Variants in KIF5C observed in about 807,000 individuals in gnomAD.
KIF5C encodes kinesin family member 5C.
A neutral mutation model predicts 125.2 loss-of-function variants in KIF5C; 18 were observed. The observed-to-expected ratio is 0.14, with a 90% CI of 0.10 to 0.21. KIF5C has a LOEUF of 0.21. Ranked by LOEUF, KIF5C falls within the 10% of genes least tolerant of loss-of-function variation. KIF5C has a pLI of 1.00. For missense variants in KIF5C, 780 were observed against 1,183.8 expected, an observed-to-expected ratio of 0.66 and a Z score of 5.01; for synonymous variants, 405 against 434.0, an observed-to-expected ratio of 0.93 and a Z score of 0.83.
intron 10 of KIF5C, among the ~76,000 whole-genome samples, chr2:148,954,557 A>G (rs540419158): frequency 6.6e-6 from 1 of 152,214 alleles, no homozygotes; most frequent in African/African-American, 2.4e-5. Context: ...GGGCAGACCA[A>G]TGTGGTTAGG....
intron 10 of KIF5C, among the ~76,000 whole-genome samples, chr2:148,958,907 C>G (rs1482342027): frequency 2.1e-5 from 3 of 145,244 alleles, no homozygotes; most frequent in Non-Finnish European, 4.6e-5. Flanking sequence ...TCACTTGAAC[C>G]CGGGAGGCAG....
chr2:148,927,651 G>A (rs1361521245), intron 2 of KIF5C, among the ~76,000 whole-genome samples: 1 of 152,090 alleles, frequency 6.6e-6, no homozygotes. Flanking sequence ...CCTAAGGGTG[G>A]GACCTTTTTC....
At chr2:148,913,013 G>A (rs1187836260) in intron 1 of KIF5C, among the ~76,000 whole-genome samples, 1 of 152,226 alleles carries the variant, frequency 6.6e-6, no homozygotes, top group Non-Finnish European at 1.5e-5. Flanking sequence ...AATACCCATT[G>A]TGATATAGAC....
At chr2:148,892,999 C>T (rs962938740) in intron 1 of KIF5C, among the ~76,000 whole-genome samples, 1 of 152,112 alleles carries the variant, frequency 6.6e-6, no homozygotes, top group South Asian at 2.1e-4. Flanking sequence ...TTGGATTGGA[C>T]CTGCAGGACA....
chr2:149,010,421 A>G, intron 24 of KIF5C, 70 bp downstream of exon 24: 9 of 1,475,326 alleles, frequency 6.1e-6, no homozygotes, highest in Non-Finnish European at 8.1e-6. Flanking sequence ...ATTTGCTAAA[A>G]GGTGAAGACA....
intron 17 of KIF5C, 112 bp downstream of exon 17, chr2:148,994,650 A>G: frequency 7.9e-7 from 1 of 1,264,362 alleles, no homozygotes; most frequent in Non-Finnish European, 1.0e-6. Flanking sequence ...TTCTAGGTCT[A>G]CTGCAAACAA....
At chr2:148,920,402 G>A (rs1681735759) in intron 1 of KIF5C, among the ~76,000 whole-genome samples, 1 of 152,216 alleles carries the variant, frequency 6.6e-6, no homozygotes, top group Admixed American at 6.5e-5. Context: ...GTAGTAGGCT[G>A]ATAGTTGGCA....
At position 149,000,442 on chromosome 2, in the gene KIF5C, C is replaced by A; in HGVS notation, c.2230C>A (p.Leu744Met). 6.3e-7 allele frequency: 1 copy of A among 1,584,656 alleles called. No homozygotes were observed. The highest frequency in any genetic ancestry group is 8.6e-7 in the Non-Finnish European group (1 of 1,161,084). Residue 744 changes from leucine to methionine, a missense_variant, in exon 20 of 26, where the codon CTG becomes ATG. Physicochemically the swap from Leu to Met is conservative, Grantham distance 15 (BLOSUM62 2). Around this residue, in one of 2 missense-constraint regions of KIF5C, gnomAD observed 573 missense variants for 742.6 expected, o/e 0.77. Transcript: ENST00000435030. ...EIRDLNQKLQ[L>M]EQEKLSSDYN... The stretch of plus-strand genomic sequence containing the variant: ...TTTCAGTTTGAATCAGAAACTGCAA[C>A]TGGAACAGGAGAAGCTTAGTTCTGA...
rs1439550699 is a variant in KIF5C at position 148,937,181 on chromosome 2, G to C, written c.292-103G>C. On this transcript the variant is annotated intron_variant, in intron 3 of 25. Coordinates refer to ENST00000435030, the MANE Select transcript of KIF5C (RefSeq NM_004522.3). The stretch of plus-strand genomic sequence containing the variant: ...TGGCAGGCACACGTGGGTGCTTCCT[G>C]CTCCACCGGGTTCTGTCTGAGGAAC... 2.0e-5 allele frequency: 30 copies of C among 1,474,426 alleles called. No individual in the cohort carries two copies. The South Asian group carries it at 4.2e-4, about 21-fold the overall frequency. The allele number at this position is 1,474,426 out of a possible 1,614,324, so 91.3% of individuals were successfully genotyped here. A position where few individuals can be genotyped will look rare whatever the true frequency, so the allele number is the denominator to read the frequency against.
At chr2:148,982,399 A>C (rs1368447502) in intron 14 of KIF5C, among the ~76,000 whole-genome samples, 2 of 152,178 alleles carry the variant, frequency 1.3e-5, no homozygotes, top group South Asian at 4.1e-4. Context: ...TATCCTTAGC[A>C]CCTCTGCCCA....
chr2:149,000,697 T>C, intron 20 of KIF5C, 25 bp from the exon 21 acceptor site: 2 of 1,613,058 alleles, frequency 1.2e-6, no homozygotes, highest in South Asian at 2.2e-5. Flanking sequence ...CCTGTGGTGG[T>C]CTATGGTTCC....
At chr2:148,961,344 C>T (rs941296509) in intron 10 of KIF5C, among the ~76,000 whole-genome samples, 1 of 152,080 alleles carries the variant, frequency 6.6e-6, no homozygotes, top group Non-Finnish European at 1.5e-5. Flanking sequence ...GTCCTCTGGC[C>T]AGCCTTACTC....
chr2:148,963,732 G>A lies in KIF5C; in HGVS notation c.1117+1613G>A, dbSNP rs527582003. The stretch of plus-strand genomic sequence containing the variant: ...TTGGGTGACCAGGACATTCAGTAAA[G>A]CCTTTTGGTAAAGGATTGGGGGTGC... On this transcript the variant is annotated intron_variant, in intron 11 of 25. Coordinates refer to ENST00000435030, the MANE Select transcript of KIF5C (RefSeq NM_004522.3). 1.4e-4 allele frequency among the ~76,000 whole-genome samples: 22 copies of A among 152,264 alleles called. No individual in the cohort carries two copies. In the East Asian group the frequency reaches 4.3e-3, roughly 29 times the overall value.
At chr2:149,003,791 A>G (rs891964933) in intron 21 of KIF5C, among the ~76,000 whole-genome samples, 4 of 152,230 alleles carry the variant, frequency 2.6e-5, no homozygotes, top group African/African-American at 7.2e-5. Flanking sequence ...TCAGGACTCT[A>G]TATTTAGTAT....
At chr2:148,968,437 C>A (rs1403114272) in intron 11 of KIF5C, among the ~76,000 whole-genome samples, 1 of 152,186 alleles carries the variant, frequency 6.6e-6, no homozygotes, top group Non-Finnish European at 1.5e-5. Flanking sequence ...AGCATTAAAT[C>A]TTCGAAGATG....
rs1255001206 is a variant in KIF5C, at chr2:148,875,319, C to G, written c.-299C>G. 1 of 299,508 alleles carries G rather than the reference C, an allele frequency of 3.3e-6. No homozygotes were observed. Among genetic ancestry groups the G allele is most frequent in the Non-Finnish European group, 6.1e-6 (1 of 163,360 alleles). 18.6% of individuals were successfully genotyped at this position (299,508 alleles called of 1,614,324 possible). A position where few individuals can be genotyped will look rare whatever the true frequency, so the allele number is the denominator to read the frequency against. On this transcript the variant is annotated 5_prime_UTR_variant, in exon 1 of 26. Transcript: ENST00000435030. ...GCTCGCTCCCTGCGCATCGCCTCCT[C>G]CGCCCGCCGCGTGGTCGCGGGCAGG...
intron 1 of KIF5C, among the ~76,000 whole-genome samples, chr2:148,902,508 G>A (rs1425590277): frequency 1.3e-5 from 2 of 152,058 alleles, no homozygotes; most frequent in African/African-American, 4.8e-5. Context: ...GGAGAGTCGG[G>A]GTTTCACCAT....
chr2:148,953,870 C>G (rs2105118872), intron 10 of KIF5C, among the ~76,000 whole-genome samples: 1 of 152,190 alleles, frequency 6.6e-6, no homozygotes, highest in South Asian at 2.1e-4. Context: ...TTTACCATGT[C>G]TATTTCTATT....
chr2:148,994,296 G>A (rs547394820), intron 16 of KIF5C, 125 bp from the exon 17 acceptor site: 2 of 1,317,848 alleles, frequency 1.5e-6, no homozygotes, highest in Admixed American at 2.6e-5. Flanking sequence ...GGCACCATTT[G>A]GTTGTGGCAC....
Sources: gnomAD v4.1 joint callset for allele counts (sites outside exome capture counted in the v4.1 genomes callset) on GRCh38, gnomAD v4.1.1 for gene constraint, gnomAD v4.1.1 regional missense constraint, MANE v1.5 for transcripts, NCBI Gene and HGNC (gene_info 2026-07-23, HGNC 2026-07-21) for gene names.